PARD3B: variants seen among roughly 807,000 people sequenced by gnomAD.
PARD3B encodes the protein partitioning defective 3 homolog B.
Under a neutral mutation model 130.2 loss-of-function variants are expected in PARD3B, and 103 were observed. The ratio of observed to expected loss-of-function variants is 0.79; its 90% CI spans 0.67 to 0.93. PARD3B has a LOEUF of 0.93. Among genes scored for constraint, PARD3B ranks in the 40% least tolerant of loss-of-function variants. The pLI is 0.00. For synonymous variants in PARD3B, 583 were observed against 553.2 expected (o/e 1.05, Z -0.76); for missense variants, 1,609 against 1,499.2 (o/e 1.07, Z -1.21).
chr2:204,696,290 C>T (rs978164087), intron 2 of PARD3B, among the ~76,000 whole-genome samples: 1 of 151,954 alleles, frequency 6.6e-6, no homozygotes, highest in Non-Finnish European at 1.5e-5. Context: ...AAACAAAAAA[C>T]AGGTCAACAG....
intron 11 of PARD3B, among the ~76,000 whole-genome samples, chr2:205,171,734 C>A (rs534624375): frequency 6.6e-6 from 1 of 152,050 alleles, no homozygotes; most frequent in African/African-American, 2.4e-5. Flanking sequence ...GTAGAGCTAG[C>A]AATGATATCA....
intron 3 of PARD3B, among the ~76,000 whole-genome samples, chr2:204,968,495 C>T (rs953871577): frequency 9.2e-5 from 14 of 152,148 alleles, no homozygotes; most frequent in Admixed American, 2.6e-4. Context: ...TAGCTGCTTC[C>T]TCTCTGCCCA....
At chr2:205,248,709 C>G (rs2039690252) in intron 16 of PARD3B, among the ~76,000 whole-genome samples, 1 of 149,602 alleles carries the variant, frequency 6.7e-6, no homozygotes. Context: ...CGGGTTCACG[C>G]CATTTCTCCT....
intron 1 of PARD3B, among the ~76,000 whole-genome samples, chr2:204,632,814 TCA>T (rs1260244390): frequency 6.6e-6 from 1 of 152,218 alleles, no homozygotes; most frequent in Non-Finnish European, 1.5e-5. Flanking sequence ...ACCCTGCTTT[TCA>T]TTCTCCGTGG....
chr2:204,606,529 A>T lies in PARD3B; in HGVS notation c.120+60410A>T, dbSNP rs2033731760. Among the ~76,000 whole-genome samples the T allele has an allele frequency of 6.6e-6, 1 of 152,150 alleles. No homozygotes were observed. The highest frequency in any genetic ancestry group is 2.4e-5 in the African/African-American group (1 of 41,432). The stretch of plus-strand genomic sequence containing the variant: ...TTAAAGCTTCTGCACAGAGAGACCC[A>T]TGTTACTTCTGCTCACATTTCGTTG... On this transcript the variant is annotated intron_variant, in intron 1 of 22. Coordinates refer to ENST00000406610, the MANE Select transcript of PARD3B (RefSeq NM_001302769.2). This position sits in a 1 kb window ranked among gnomAD's most constrained non-coding sequence, Gnocchi z 4.0.
chr2:205,385,093 C>A (rs762964791), intron 18 of PARD3B, among the ~76,000 whole-genome samples: 2 of 151,940 alleles, frequency 1.3e-5, no homozygotes, highest in African/African-American at 2.4e-5. Flanking sequence ...TCTACTGATA[C>A]AATAAGAAAT....
At chr2:205,157,717 G>A (rs929113365) in intron 10 of PARD3B, among the ~76,000 whole-genome samples, 8 of 152,160 alleles carry the variant, frequency 5.3e-5, no homozygotes, top group African/African-American at 1.7e-4. Context: ...GGAAGGAACC[G>A]ACCTAGAATG....
chr2:204,801,016 G>A (rs1405025007), intron 2 of PARD3B, among the ~76,000 whole-genome samples: 1 of 152,108 alleles, frequency 6.6e-6, no homozygotes, highest in Non-Finnish European at 1.5e-5. Flanking sequence ...AAGATCAGAT[G>A]GTTGTAGATG....
chr2:205,271,185 A>T (rs568177960), intron 16 of PARD3B, among the ~76,000 whole-genome samples: 17 of 152,344 alleles, frequency 1.1e-4, no homozygotes, highest in Admixed American at 3.3e-4. Flanking sequence ...GAAAAAAATC[A>T]TACTCTTAAG....
At chr2:204,568,683 G>A (rs529965336) in intron 1 of PARD3B, among the ~76,000 whole-genome samples, 2 of 152,160 alleles carry the variant, frequency 1.3e-5, no homozygotes, top group East Asian at 1.9e-4. Context: ...GGCTGGTTTC[G>A]GTGGCTGACA....
chr2:205,346,150 C>T (rs894123734), intron 18 of PARD3B, among the ~76,000 whole-genome samples: 26 of 143,104 alleles, frequency 1.8e-4, no homozygotes, highest in African/African-American at 5.4e-4. Flanking sequence ...CCAGCCTGAA[C>T]GACACAGTGA....
intron 18 of PARD3B, among the ~76,000 whole-genome samples, chr2:205,326,648 G>C (rs1392130837): frequency 6.6e-6 from 1 of 152,030 alleles, no homozygotes; most frequent in Non-Finnish European, 1.5e-5. Context: ...GTATGCTGAG[G>C]CTTGATATAA....
intron 4 of PARD3B, among the ~76,000 whole-genome samples, chr2:205,089,452 G>A (rs1339911544): frequency 2.6e-5 from 4 of 152,098 alleles, no homozygotes; most frequent in Middle Eastern, 3.2e-3. Context: ...TTCTGCAAGC[G>A]CTTAATCCTT....
intron 14 of PARD3B, among the ~76,000 whole-genome samples, chr2:205,191,147 A>G (rs567548725): frequency 2.6e-5 from 4 of 152,106 alleles, no homozygotes; most frequent in South Asian, 4.2e-4. Flanking sequence ...TTATGAAAAC[A>G]TGTGAAATCT....
Position 205,058,280 on chromosome 2 carries a change from T to C in PARD3B, c.504+10590T>C, listed in dbSNP as rs534028256. 5.3e-5 allele frequency among the ~76,000 whole-genome samples: 8 copies of C among 151,980 alleles called. No homozygotes were observed. The South Asian group carries it at 1.0e-3, about 20-fold the overall frequency. ...GTCAGAATTTCCTTCCTTGTTAAGGTTGAAAATACTCTGTTGTATTTGTAT... is the reference window on the plus strand; with the variant it reads ...GTCAGAATTTCCTTCCTTGTTAAGGCTGAAAATACTCTGTTGTATTTGTAT... On this transcript the variant is annotated intron_variant, in intron 4 of 22. Transcript: ENST00000406610.
intron 2 of PARD3B, among the ~76,000 whole-genome samples, chr2:204,912,196 C>T (rs576362644): frequency 6.6e-6 from 1 of 152,254 alleles, no homozygotes; most frequent in East Asian, 1.9e-4. Flanking sequence ...ATTTTAGAAA[C>T]ATATGATAAT....
chr2:205,389,609 G>T (rs1006613239), intron 18 of PARD3B, among the ~76,000 whole-genome samples: 88 of 152,308 alleles, frequency 5.8e-4, no homozygotes, highest in African/African-American at 2.0e-3. Flanking sequence ...CTCCCAAAGT[G>T]CTGGGATTAC....
chr2:205,499,976 C>G lies in PARD3B; in HGVS notation c.3125C>G (p.Pro1042Arg). The G allele has an allele frequency of 6.2e-7, 1 of 1,613,886 alleles. No individual in the cohort carries two copies. The highest frequency in any genetic ancestry group is 8.5e-7 in the Non-Finnish European group (1 of 1,179,810). ...TATCAGGCTCGGAGGGAAGGTTTCC[C>G]TTTATATGAAGACGACGAAGGAAGA... is the stretch of plus-strand genomic sequence containing the variant. ...EYYQARREGF[P>R]LYEDDEGRAR... The change falls in exon 21 of 23, where the codon CCT (proline) becomes CGT (arginine). Residue 1042 changes from proline (P) to arginine (R), a missense_variant. By Grantham distance (103) the Pro-to-Arg change is moderately radical. Transcript: ENST00000406610.
chr2:204,888,730 CAAA>C lies in PARD3B; in HGVS notation c.223-76404_223-76402del, dbSNP rs11315348. ...TGGGCAACAGAATGAGACCCTGTCT[CAAA>C]AAAAAAAAAAAAAAAAATGTATGGA... On this transcript the variant is annotated intron_variant, in intron 2 of 22. Transcript: ENST00000406610. Among the ~76,000 whole-genome samples, 8 of 81,372 alleles carry C rather than the reference CAAA, an allele frequency of 9.8e-5. No individual in the cohort carries two copies. In the South Asian group the frequency reaches 2.5e-3, roughly 25 times the overall value. The allele number at this position is 81,372 out of a possible 152,430, so 53.4% of individuals were successfully genotyped here.
Sources: allele counts gnomAD v4.1 joint callset (sites outside exome capture counted in the v4.1 genomes callset), GRCh38; gene constraint gnomAD v4.1.1; non-coding constraint Gnocchi (gnomAD v3.1); transcripts MANE v1.5; gene names NCBI Gene and HGNC (gene_info 2026-07-23, HGNC 2026-07-21).